HARS2: variants seen among roughly 807,000 people sequenced by gnomAD.
HARS2 encodes the protein histidyl-tRNA synthetase 2, mitochondrial, also known as histidine--tRNA ligase, mitochondrial.
HARS2 carries 40 observed loss-of-function variants against 62.4 expected under a neutral mutation model. That is an observed-to-expected ratio of 0.64 (90% confidence interval 0.50 to 0.83). The LOEUF (loss-of-function observed/expected upper bound fraction) is 0.83, where lower values mean the gene tolerates loss of function less well. HARS2 is among the 40% of genes least tolerant of loss of function. HARS2 has a pLI of 0.00. For missense variants in HARS2, 569 were observed against 626.4 expected (o/e 0.91, Z 0.98); for synonymous variants, 228 against 227.0 (o/e 1.00, Z -0.04).
chr5:140,692,824 C>T (rs113720830), intron 1 of HARS2, among the ~76,000 whole-genome samples: 29,220 of 150,422 alleles, frequency 0.19, 3,320 homozygotes, highest in East Asian at 0.31. Flanking sequence ...ACCCGGGAGG[C>T]GGAGGTTGCA....
chr5:140,693,683 C>T lies in HARS2; in HGVS notation c.183+18C>T, dbSNP rs1759631752. On this transcript the variant is annotated intron_variant, in intron 2 of 12. Transcript: ENST00000230771. ...CCCCAAAGGTAATACTTTTTGCCTA[C>T]CCTATCCCATTAGAGTGCCTTGGAG... is the stretch of plus-strand genomic sequence containing the variant. The T allele has an allele frequency of 6.2e-7, 1 of 1,601,436 alleles. No homozygotes were observed. Among genetic ancestry groups the T allele is most frequent in the Non-Finnish European group, 8.6e-7 (1 of 1,168,380 alleles).
In HARS2 at chr5:140,691,545, C is replaced by G; in HGVS notation, c.-104C>G. ...GCAAACGCCCGAGTTTTCCCTGGTG[C>G]GCGGGTTCCGCCTTTGCAGTGCCCT... On this transcript the variant is annotated 5_prime_UTR_variant, in exon 1 of 13. Transcript: ENST00000230771. 1.2e-6 allele frequency: 1 copy of G among 824,180 alleles called. No individual in the cohort carries two copies. The highest frequency in any genetic ancestry group is 2.0e-6 in the Non-Finnish European group (1 of 494,554). 51.1% of individuals were successfully genotyped at this position (824,180 alleles called of 1,614,324 possible). A position where few individuals can be genotyped will look rare whatever the true frequency, so the allele number is the denominator to read the frequency against.
Position 140,697,094 on chromosome 5 carries a change from T to C in HARS2, c.954+24T>C. The C allele has an allele frequency of 1.9e-6, 3 of 1,614,184 alleles. No homozygotes were observed. The South Asian group carries it at 3.3e-5, about 18-fold the overall frequency. ...AGGTAAGCTGAATTGCAAATGGACC[T>C]CCTGCTGAGCTCTAGGGCTCTCAGG... On this transcript the variant is annotated intron_variant, in intron 9 of 12. Transcript: ENST00000230771.
In HARS2 at chr5:140,691,903, G is replaced by A. The variant is rs1228317881; in HGVS notation, c.108+147G>A. 2.5e-4 allele frequency: 163 copies of A among 657,988 alleles called. 1 individual carries two copies. The East Asian group carries it at 4.4e-3, about 18-fold the overall frequency. The allele number at this position is 657,988 out of a possible 1,614,324, so 40.8% of individuals were successfully genotyped here. On this transcript the variant is annotated intron_variant, in intron 1 of 12. Transcript: ENST00000230771. Reference sequence around the variant, plus strand: ...TGACACTGAACTAAGCGATTTGGATGCCTGGTCATTTAATCCTTGGAGCAA... The same window carrying A: ...TGACACTGAACTAAGCGATTTGGATACCTGGTCATTTAATCCTTGGAGCAA...
chr5:140,694,064 G>A lies in HARS2; in HGVS notation c.303+10G>A, dbSNP rs1759653765. Reference sequence around the variant, plus strand: ...AGCATTTGAGCTGAAGGTAAGGGGAGAAGAAAGAGTACGTGCAACCTCACT... The same window carrying A: ...AGCATTTGAGCTGAAGGTAAGGGGAAAAGAAAGAGTACGTGCAACCTCACT... On this transcript the variant is annotated intron_variant, in intron 3 of 12. Transcript: ENST00000230771. 1 of 1,614,066 alleles carries A rather than the reference G, an allele frequency of 6.2e-7. No homozygotes were observed. Among genetic ancestry groups the A allele is most frequent in the African/African-American group, 1.3e-5 (1 of 74,942 alleles).
In HARS2 at chr5:140,696,570, C is replaced by T. The variant is rs1299575031; in HGVS notation, c.782C>T (p.Ala261Val). Reference sequence around the variant, plus strand: ...GAGATGGTGGTGAAGAAAGGCCTGGCTCCTGAGGTGGCTGATCGAATTGGG... The same window carrying T: ...GAGATGGTGGTGAAGAAAGGCCTGGTTCCTGAGGTGGCTGATCGAATTGGG... The part of the protein sequence containing the change: ...RHEMVVKKGL[A>V]PEVADRIGDY... Residue 261 changes from alanine (A) to valine (V), a missense_variant, in exon 8 of 13, where the codon GCT becomes GTT. By Grantham distance (64) the Ala-to-Val change is moderately conservative. Coordinates refer to ENST00000230771, the MANE Select transcript of HARS2 (RefSeq NM_012208.4). 1 of 1,613,790 alleles carries T rather than the reference C, an allele frequency of 6.2e-7. No individual in the cohort carries two copies. The highest frequency in any genetic ancestry group is 1.1e-5 in the South Asian group (1 of 91,074).
At chr5:140,692,410 A>T (rs1449509610) in intron 1 of HARS2, 1 of 152,918 alleles carries the variant, frequency 6.5e-6, no homozygotes, top group Admixed American at 6.5e-5. Context: ...TATCGTGAAC[A>T]ATAGGGCACA....
Position 140,695,595 on chromosome 5 carries a change from A to T in HARS2, c.487A>T (p.Thr163Ser). Residue 163 changes from threonine to serine, a missense_variant, in exon 5 of 13, where the codon ACC becomes TCC. By Grantham distance (58) the Thr-to-Ser change is moderately conservative. Transcript: ENST00000230771. ...VGKVWRRESPTIVQGRYREFC... is the reference protein window; with the variant it reads ...VGKVWRRESPSIVQGRYREFC... ...AAAGGTGTGGCGGCGAGAGAGCCCA[A>T]CCATAGTCCAAGGCCGTTATAGGGA... 1.2e-6 allele frequency: 2 copies of T among 1,614,214 alleles called. No homozygotes were observed. The highest frequency in any genetic ancestry group is 1.7e-6 in the Non-Finnish European group (2 of 1,180,042).
intron 7 of HARS2, 34 bp downstream of exon 7, chr5:140,696,235 C>G: frequency 7.2e-7 from 1 of 1,387,560 alleles, no homozygotes; most frequent in Non-Finnish European, 1.0e-6. Flanking sequence ...TAGACCCTAT[C>G]TAGCTTCTGC....
intron 2 of HARS2, 24 bp downstream of exon 2, chr5:140,693,689 C>T: frequency 1.3e-6 from 2 of 1,584,724 alleles, no homozygotes; most frequent in Non-Finnish European, 1.7e-6. Context: ...CCTACCCTAT[C>T]CCATTAGAGT....
Position 140,696,990 on chromosome 5 carries a change from C to G in HARS2, c.874C>G (p.Gln292Glu), listed in dbSNP as rs909843636. The part of the protein sequence containing the change: ...EQMFQDPRLS[Q>E]NKQALEGLGD... ...AATGTTTCAGGATCCCAGACTATCC[C>G]AGAACAAGCAGGCCCTGGAGGGCCT... The change falls in exon 9 of 13, where the codon CAG becomes GAG. Residue 292 changes from glutamine to glutamate, a missense_variant. By Grantham distance (29) the Gln-to-Glu change is conservative. Transcript: ENST00000230771. 1 of 1,613,820 alleles carries G rather than the reference C, an allele frequency of 6.2e-7. No individual in the cohort carries two copies. The highest frequency in any genetic ancestry group is 1.3e-5 in the African/African-American group (1 of 74,896).
At chr5:140,698,150 T>A in intron 12 of HARS2, 72 bp downstream of exon 12, 1 of 1,389,408 alleles carries the variant, frequency 7.2e-7, no homozygotes, top group Admixed American at 1.9e-5. Context: ...GAAATATGCA[T>A]CTTCTGGCTG....
At position 140,698,060 on chromosome 5, in the gene HARS2, A is replaced by G. The variant is rs1415673469; in HGVS notation, c.1443A>G (p.Ser481=). The G allele has an allele frequency of 4.3e-6, 7 of 1,614,126 alleles. No individual in the cohort carries two copies. The African/African-American group carries it at 5.3e-5, about 12-fold the overall frequency. ...AAGAAGGGGTCATCAAGATCCGTTC[A>G]GTGGCCAGCAGAGAGGAGGTGAGTG... ...ELKEGVIKIR[S]VASREEVAIK... The change falls in exon 12 of 13, where the codon TCA becomes TCG. Residue 481 remains serine (S), a synonymous_variant. Transcript: ENST00000230771.
Position 140,691,612 on chromosome 5 carries a change from T to C in HARS2, c.-37T>C. The C allele has an allele frequency of 1.5e-6, 2 of 1,375,924 alleles. No individual in the cohort carries two copies. The highest frequency in any genetic ancestry group is 2.0e-6 in the Non-Finnish European group (2 of 988,452). 85.2% of individuals were successfully genotyped at this position (1,375,924 alleles called of 1,614,324 possible). On this transcript the variant is annotated 5_prime_UTR_variant, in exon 1 of 13. Coordinates refer to ENST00000230771, the MANE Select transcript of HARS2 (RefSeq NM_012208.4). ...CTGACCCGCCTCCTTCCCAGGCCTT[T>C]TGTTCCTGTCCCGGAAAGCCGGCGT... is the stretch of plus-strand genomic sequence containing the variant.
At chr5:140,694,537 G>A (rs1463109724) in intron 4 of HARS2, among the ~76,000 whole-genome samples, 1 of 152,218 alleles carries the variant, frequency 6.6e-6, no homozygotes, top group East Asian at 1.9e-4. Context: ...AGCTAATTCT[G>A]TAGCTGGAAT....
At chr5:140,694,114 C>T in intron 3 of HARS2, 60 bp downstream of exon 3, 1 of 1,609,548 alleles carries the variant, frequency 6.2e-7, no homozygotes, top group African/African-American at 1.3e-5. Context: ...CGTTCAGTGT[C>T]CCAAAGGGCT....
Position 140,691,678 on chromosome 5 carries a change from G to A in HARS2, c.30G>A (p.Arg10=), listed in dbSNP as rs1177561758. 6.4e-7 allele frequency: 1 copy of A among 1,551,172 alleles called. No individual in the cohort carries two copies. The highest frequency in any genetic ancestry group is 8.7e-7 in the Non-Finnish European group (1 of 1,147,104). ...CCCTGCTCGGACTTCTTCCCAGGAGGGCCTGGGCTTCGCTGCTCAGCCAGC... is the reference window on the plus strand; with the variant it reads ...CCCTGCTCGGACTTCTTCCCAGGAGAGCCTGGGCTTCGCTGCTCAGCCAGC... The part of the protein sequence containing the change: MPLLGLLPR[R]AWASLLSQLL... The change falls in exon 1 of 13, where the codon AGG becomes AGA. Residue 10 remains arginine, a synonymous_variant. Transcript: ENST00000230771.
At chr5:140,695,445 T>G (rs1759701689) in intron 4 of HARS2, 63 bp from the exon 5 acceptor site, 1 of 1,529,042 alleles carries the variant, frequency 6.5e-7, no homozygotes, top group Non-Finnish European at 9.0e-7. Flanking sequence ...TCCTCCCTAA[T>G]GTCTGTATAC....
chr5:140,698,381 G>A, intron 12 of HARS2, 112 bp from the exon 13 acceptor site: 1 of 883,316 alleles, frequency 1.1e-6, no homozygotes, highest in Non-Finnish European at 1.9e-6. Context: ...ACTCCTTTCT[G>A]GTTGTATAAG....
Sources: allele counts gnomAD v4.1 joint callset (sites outside exome capture counted in the v4.1 genomes callset), GRCh38; gene constraint gnomAD v4.1.1; transcripts MANE v1.5; gene names NCBI Gene and HGNC (gene_info 2026-07-23, HGNC 2026-07-21).